Variants in ATAD2B observed in about 807,000 individuals in gnomAD.
ATAD2B encodes ATPase family AAA domain containing 2B.
In ATAD2B, 40 loss-of-function variants were observed where a neutral mutation model predicts 167.6. The ratio of observed to expected loss-of-function variants is 0.24; its 90% CI spans 0.19 to 0.31. ATAD2B has a LOEUF of 0.31. Ranked by LOEUF, ATAD2B falls within the 10% of genes least tolerant of loss-of-function variation. ATAD2B has a pLI of 1.00. For synonymous variants in ATAD2B, 579 were observed against 596.5 expected (o/e 0.97, Z 0.43); for missense variants, 1,242 against 1,757.2 (o/e 0.71, Z 5.24).
chr2:23,894,130 G>C (rs1163887354), intron 2 of ATAD2B, among the ~76,000 whole-genome samples: 1 of 152,044 alleles, frequency 6.6e-6, no homozygotes, highest in East Asian at 1.9e-4. Context: ...CTAAATGGAA[G>C]CATATCTTTC....
chr2:23,880,919 C>G (rs1038271565), intron 6 of ATAD2B, among the ~76,000 whole-genome samples, 164 bp from the exon 7 acceptor site: 1 of 152,098 alleles, frequency 6.6e-6, no homozygotes, highest in Non-Finnish European at 1.5e-5. Context: ...AAAAATCAAC[C>G]TAAATGGATG....
chr2:23,810,176 A>T, intron 18 of ATAD2B, 140 bp downstream of exon 18: 1 of 700,560 alleles, frequency 1.4e-6, no homozygotes, highest in African/African-American at 1.8e-5. Context: ...TAATACTAGA[A>T]TGCTAATGAA....
At position 23,920,304 on chromosome 2, in the gene ATAD2B, C is replaced by T. The variant is rs181249737; in HGVS notation, c.216+6251G>A. On this transcript the variant is annotated intron_variant, in intron 1 of 27. Coordinates refer to ENST00000238789, the MANE Select transcript of ATAD2B (RefSeq NM_017552.4). ...ATTCGACGAGTAGAGGACCAGAAGT[C>T]TTACCACACTAAGTATCCATGCCAT... Among the ~76,000 whole-genome samples the T allele has an allele frequency of 5.3e-5, 8 of 152,324 alleles. No homozygotes were observed. The East Asian group carries it at 1.5e-3, about 29-fold the overall frequency.
the ATAD2B span, among the ~76,000 whole-genome samples, chr2:23,679,986 G>C: frequency 2.0e-5 from 3 of 152,230 alleles, no homozygotes; most frequent in Non-Finnish European, 2.9e-5. Context: ...GGGAGTGGAG[G>C]AGGAGCGGAG....
chr2:23,783,900 C>T (rs1572734386), intron 21 of ATAD2B, among the ~76,000 whole-genome samples: 1 of 151,966 alleles, frequency 6.6e-6, no homozygotes, highest in South Asian at 2.1e-4. Flanking sequence ...CAGATGGCAT[C>T]GATACCATTA....
At chr2:23,818,113 A>AAT (rs762947988) in intron 17 of ATAD2B, among the ~76,000 whole-genome samples, 2 of 116,238 alleles carry the variant, frequency 1.7e-5, no homozygotes, top group Non-Finnish European at 3.7e-5. Flanking sequence ...ACACACACAC[A>AAT]CACACACATT....
chr2:23,860,925 C>G (rs1311344740), intron 12 of ATAD2B, among the ~76,000 whole-genome samples: 1 of 152,110 alleles, frequency 6.6e-6, no homozygotes, highest in Non-Finnish European at 1.5e-5. Context: ...GAGCCAAGAT[C>G]ACGCCATTGC....
intron 2 of ATAD2B, among the ~76,000 whole-genome samples, chr2:23,892,018 G>A (rs1028576736): frequency 3.9e-5 from 6 of 152,100 alleles, no homozygotes; most frequent in African/African-American, 1.4e-4. Flanking sequence ...TCTGACAGAC[G>A]TCACTTAACC....
intron 2 of ATAD2B, among the ~76,000 whole-genome samples, chr2:23,894,576 T>G (rs986154538): frequency 1.3e-5 from 2 of 152,154 alleles, no homozygotes; most frequent in African/African-American, 4.8e-5. Context: ...TTGAATAAAC[T>G]GTTAAAATCA....
intron 22 of ATAD2B, among the ~76,000 whole-genome samples, chr2:23,775,647 G>A (rs1233435243): frequency 2.6e-5 from 4 of 152,164 alleles, no homozygotes; most frequent in East Asian, 1.9e-4. Context: ...CAGTAGAGGC[G>A]ATACATTTGA....
At chr2:23,847,813 C>T (rs1245060928) in intron 13 of ATAD2B, among the ~76,000 whole-genome samples, 4 of 150,844 alleles carry the variant, frequency 2.7e-5, no homozygotes, top group African/African-American at 9.7e-5. Flanking sequence ...GGTAAAACCC[C>T]ATCTCTACTA....
At chr2:23,682,944 C>G in the ATAD2B span, among the ~76,000 whole-genome samples, 1 of 152,154 alleles carries the variant, frequency 6.6e-6, no homozygotes, top group African/African-American at 2.4e-5. The surrounding 1 kb of genome is among the most constrained non-coding windows in gnomAD (Gnocchi z 4.1). Flanking sequence ...CCTGAACATG[C>G]ATGTGGCGTG....
chr2:23,850,193 A>G (rs1692349941), intron 13 of ATAD2B, among the ~76,000 whole-genome samples: 1 of 152,102 alleles, frequency 6.6e-6, no homozygotes, highest in Non-Finnish European at 1.5e-5. Context: ...GATCACAATA[A>G]AACTAAATTA....
At chr2:23,715,152 A>C in the ATAD2B span, among the ~76,000 whole-genome samples, 1 of 152,244 alleles carries the variant, frequency 6.6e-6, no homozygotes, top group Admixed American at 6.5e-5. Flanking sequence ...TAGACATTTT[A>C]TACTTTGTTA....
chr2:23,774,395 C>T (rs1286870906), intron 22 of ATAD2B, among the ~76,000 whole-genome samples: 1 of 152,086 alleles, frequency 6.6e-6, no homozygotes, highest in Admixed American at 6.5e-5. Flanking sequence ...GTCAAGGCTG[C>T]AGTGAGCCAT....
chr2:23,692,128 G>A, the ATAD2B span, among the ~76,000 whole-genome samples: 3 of 152,230 alleles, frequency 2.0e-5, no homozygotes, highest in Non-Finnish European at 4.4e-5. Flanking sequence ...ACTGTGCCCC[G>A]CCAGGCCTTG....
intron 13 of ATAD2B, among the ~76,000 whole-genome samples, chr2:23,841,805 T>G (rs192795400): frequency 6.6e-6 from 1 of 152,204 alleles, no homozygotes; most frequent in East Asian, 1.9e-4. Context: ...CGTGAGCCAC[T>G]ACACTCATCC....
Position 23,820,017 on chromosome 2 carries a change from G to A in ATAD2B, c.2132-135C>T, listed in dbSNP as rs1687210089. ...ATCTATCAAATAATACAGGCAAACT[G>A]ACAAACTGCAGCTTTTAAAATAACT... On this transcript the variant is annotated intron_variant, in intron 16 of 27. Coordinates refer to ENST00000238789, the MANE Select transcript of ATAD2B (RefSeq NM_017552.4). 3 of 547,898 alleles carry A rather than the reference G, an allele frequency of 5.5e-6. No individual in the cohort carries two copies. The African/African-American group carries it at 5.8e-5, about 11-fold the overall frequency. The allele number at this position is 547,898 out of a possible 1,614,324, so 33.9% of individuals were successfully genotyped here.
At chr2:23,797,424 G>T (rs1204414799) in intron 19 of ATAD2B, among the ~76,000 whole-genome samples, 1 of 152,038 alleles carries the variant, frequency 6.6e-6, no homozygotes, top group Non-Finnish European at 1.5e-5. Context: ...ACGTGTATTA[G>T]TAATAACATT....
Sources: allele counts gnomAD v4.1 joint callset (sites outside exome capture counted in the v4.1 genomes callset), GRCh38; gene constraint gnomAD v4.1.1; non-coding constraint Gnocchi (gnomAD v3.1); transcripts MANE v1.5; gene names NCBI Gene and HGNC (gene_info 2026-07-23, HGNC 2026-07-21).